The following OR11H4 variants were observed in gnomAD, a reference collection of about 807,000 sequenced individuals.
OR11H4 encodes the protein olfactory receptor family 11 subfamily H member 4.
For synonymous variants in OR11H4, 162 were observed against 142.3 expected (o/e 1.14, Z -0.98); for missense variants, 460 against 371.1 (o/e 1.24, Z -1.97).
Position 20,243,684 on chromosome 14 carries a change from T to C in OR11H4, c.863T>C (p.Leu288Pro), listed in dbSNP as rs1211658298. ...GTAACGACTCCTCTTTTTAATCCTCTGATCTATACTCTTCGTAATAAGGAC... is the reference window on the plus strand; with the variant it reads ...GTAACGACTCCTCTTTTTAATCCTCCGATCTATACTCTTCGTAATAAGGAC... ...YSVTTPLFNP[L>P]IYTLRNKDMK... Residue 288 changes from leucine (L) to proline (P), a missense_variant, in exon 2 of 2, where the codon CTG becomes CCG. Leu to Pro is a moderately conservative substitution (Grantham distance 98, BLOSUM62 -3). Transcript: ENST00000641082. The C allele has an allele frequency of 6.2e-7, 1 of 1,612,674 alleles. No individual in the cohort carries two copies. The highest frequency in any genetic ancestry group is 8.5e-7 in the Non-Finnish European group (1 of 1,179,572).
At position 20,242,967 on chromosome 14, in the gene OR11H4, T is replaced by C. The variant is rs144180480; in HGVS notation, c.146T>C (p.Val49Ala). The change falls in exon 2 of 2, where the codon GTG becomes GCG. Residue 49 changes from valine to alanine, a missense_variant. Val to Ala is a moderately conservative substitution (Grantham distance 64). Coordinates refer to ENST00000641082, the MANE Select transcript of OR11H4 (RefSeq NM_001004479.2). ...GGAAATGGAGCCATCATCTATGCAG[T>C]GAGATGCAACCCACTACTACACACC... is the stretch of plus-strand genomic sequence containing the variant. ...LLGNGAIIYA[V>A]RCNPLLHTPM... 3.4e-4 allele frequency: 546 copies of C among 1,614,084 alleles called. 2 individuals carry two copies. In the African/African-American group the frequency reaches 6.3e-3, roughly 19 times the overall value.
In OR11H4 at chr14:20,243,216, A is replaced by G. The variant is rs747515770; in HGVS notation, c.395A>G (p.Tyr132Cys). Residue 132 changes from tyrosine to cysteine, a missense_variant, in exon 2 of 2, where the codon TAC (tyrosine) becomes TGC (cysteine). Transcript: ENST00000641082. ...RYLAICHPLQ[Y>C]PAIMTVRFCG... The stretch of plus-strand genomic sequence containing the variant: ...CTGGCCATCTGCCACCCACTGCAGT[A>G]CCCTGCCATCATGACTGTAAGGTTC... The G allele has an allele frequency of 6.2e-6, 10 of 1,613,988 alleles. No homozygotes were observed. The highest frequency in any genetic ancestry group is 8.5e-6 in the Non-Finnish European group (10 of 1,179,986).
At chr14:20,239,879 T>C (rs539524036) in intron 1 of OR11H4, among the ~76,000 whole-genome samples, 1 of 152,222 alleles carries the variant, frequency 6.6e-6, no homozygotes, top group African/African-American at 2.4e-5. Context: ...ATATAAAACT[T>C]TGTGGAAACA....
intron 1 of OR11H4, among the ~76,000 whole-genome samples, chr14:20,241,410 C>T (rs17108222): frequency 0.03 from 4,519 of 152,130 alleles, 239 homozygotes; most frequent in African/African-American, 0.1. Flanking sequence ...TTTCTAACAA[C>T]TTGTGCTAAA....
In OR11H4 at chr14:20,242,992, C is replaced by T. The variant is rs544086924; in HGVS notation, c.171C>T (p.Thr57=). The T allele has an allele frequency of 3.7e-6, 6 of 1,614,056 alleles. No homozygotes were observed. The highest frequency in any genetic ancestry group is 1.6e-4 in the Middle Eastern group (1 of 6,062). The stretch of plus-strand genomic sequence containing the variant: ...TGAGATGCAACCCACTACTACACAC[C>T]CCCATGTACTTTCTGCTGGGAAATT... ...YAVRCNPLLH[T]PMYFLLGNFA... is the part of the protein sequence containing the mutation. Residue 57 remains threonine, a synonymous_variant, in exon 2 of 2, where the codon ACC becomes ACT. Coordinates refer to ENST00000641082, the MANE Select transcript of OR11H4 (RefSeq NM_001004479.2).
chr14:20,239,676 A>G (rs1880874603), intron 1 of OR11H4, among the ~76,000 whole-genome samples: 1 of 152,034 alleles, frequency 6.6e-6, no homozygotes, highest in Admixed American at 6.6e-5. Context: ...CCTCGGCGAC[A>G]GAGCGAGACT....
In OR11H4 at chr14:20,243,224, A is replaced by G. The variant is rs755546133; in HGVS notation, c.403A>G (p.Ile135Val). 5 of 1,614,100 alleles carry G rather than the reference A, an allele frequency of 3.1e-6. No individual in the cohort carries two copies. Among genetic ancestry groups the G allele is most frequent in the East Asian group, 4.5e-5 (2 of 44,900 alleles). Residue 135 changes from isoleucine to valine, a missense_variant, in exon 2 of 2, where the codon ATC becomes GTC. By Grantham distance (29) the Ile-to-Val change is conservative. Transcript: ENST00000641082. Reference protein sequence around the residue: ...AICHPLQYPAIMTVRFCGKLV... With the variant: ...AICHPLQYPAVMTVRFCGKLV... The stretch of plus-strand genomic sequence containing the variant: ...CTGCCACCCACTGCAGTACCCTGCC[A>G]TCATGACTGTAAGGTTCTGTGGTAA...
chr14:20,243,019 T>G lies in OR11H4; in HGVS notation c.198T>G (p.Phe66Leu). 6.2e-7 allele frequency: 1 copy of G among 1,614,220 alleles called. No homozygotes were observed. The change falls in exon 2 of 2, where the codon TTT becomes TTG. Residue 66 changes from phenylalanine to leucine, a missense_variant. By Grantham distance (22) the Phe-to-Leu change is conservative (BLOSUM62 0). Transcript: ENST00000641082. ...CCATGTACTTTCTGCTGGGAAATTT[T>G]GCCTTCCTTGAGATCTGGTATGTGT... ...HTPMYFLLGN[F>L]AFLEIWYVSS...
chr14:20,239,952 A>T (rs1880879824), intron 1 of OR11H4, among the ~76,000 whole-genome samples: 1 of 152,080 alleles, frequency 6.6e-6, no homozygotes, highest in South Asian at 2.1e-4. Flanking sequence ...TAAGCTCCCC[A>T]GCTTTTGATC....
chr14:20,241,964 C>G (rs1440061362), intron 1 of OR11H4, among the ~76,000 whole-genome samples: 1 of 151,986 alleles, frequency 6.6e-6, no homozygotes, highest in Non-Finnish European at 1.5e-5. Context: ...CAACATGTCT[C>G]GCTTCCCACC....
In OR11H4 at chr14:20,242,806, T is replaced by C; in HGVS notation, c.-11-5T>C. On this transcript the variant is annotated splice_polypyrimidine_tract_variant and splice_region_variant and intron_variant, in intron 1 of 1. Coordinates refer to ENST00000641082, the MANE Select transcript of OR11H4 (RefSeq NM_001004479.2). Reference sequence around the variant, plus strand: ...GGATTACACTCATGTCTTTCTTCTTTGTAGACTTAAGACCCATGAACAGGT... The same window carrying C: ...GGATTACACTCATGTCTTTCTTCTTCGTAGACTTAAGACCCATGAACAGGT... 3 of 1,612,434 alleles carry C rather than the reference T, an allele frequency of 1.9e-6. No homozygotes were observed. The highest frequency in any genetic ancestry group is 2.5e-6 in the Non-Finnish European group (3 of 1,179,016).
Position 20,243,565 on chromosome 14 carries a change from A to G in OR11H4, c.744A>G (p.Val248=). 6.2e-7 allele frequency: 1 copy of G among 1,613,284 alleles called. No individual in the cohort carries two copies. The highest frequency in any genetic ancestry group is 8.5e-7 in the Non-Finnish European group (1 of 1,179,738). The change falls in exon 2 of 2, where the codon GTA becomes GTG. Residue 248 remains valine, a synonymous_variant. Coordinates refer to ENST00000641082, the MANE Select transcript of OR11H4 (RefSeq NM_001004479.2). The part of the protein sequence containing the change: ...FSTCGSHLVV[V]SLFYGTVMVM... ...CCTGTGGTTCTCATTTGGTTGTGGTATCTCTTTTCTATGGGACAGTCATGG... is the reference window on the plus strand; with the variant it reads ...CCTGTGGTTCTCATTTGGTTGTGGTGTCTCTTTTCTATGGGACAGTCATGG...
chr14:20,240,400 G>A (rs1477186467), intron 1 of OR11H4, among the ~76,000 whole-genome samples: 1 of 152,072 alleles, frequency 6.6e-6, no homozygotes, highest in East Asian at 1.9e-4. Flanking sequence ...CAAAGAACTA[G>A]TGATGTTGAG....
At chr14:20,240,495 T>C (rs969741638) in intron 1 of OR11H4, among the ~76,000 whole-genome samples, 1 of 152,098 alleles carries the variant, frequency 6.6e-6, no homozygotes, top group Non-Finnish European at 1.5e-5. Flanking sequence ...CTTTTACATT[T>C]CTGACAAAGT....
At position 20,243,707 on chromosome 14, in the gene OR11H4, G is replaced by A; in HGVS notation, c.886G>A (p.Asp296Asn). The A allele has an allele frequency of 1.2e-6, 2 of 1,604,902 alleles. No individual in the cohort carries two copies. The highest frequency in any genetic ancestry group is 1.1e-5 in the South Asian group (1 of 89,568). ...TCTGATCTATACTCTTCGTAATAAG[G>A]ACATGAAACTCGCTCTGAGAAATGT... ...NPLIYTLRNK[D>N]MKLALRNVLF... Residue 296 changes from aspartate to asparagine, a missense_variant, in exon 2 of 2, where the codon GAC becomes AAC. By Grantham distance (23) the Asp-to-Asn change is conservative (BLOSUM62 1). Transcript: ENST00000641082.
intron 1 of OR11H4, among the ~76,000 whole-genome samples, chr14:20,240,900 A>T (rs982288875): frequency 3.9e-5 from 6 of 152,126 alleles, no homozygotes; most frequent in Non-Finnish European, 7.4e-5. Context: ...TTTAAGACTT[A>T]ATCAGCACAT....
intron 1 of OR11H4, among the ~76,000 whole-genome samples, chr14:20,239,760 C>A (rs1384926534): frequency 6.6e-6 from 1 of 151,842 alleles, no homozygotes; most frequent in African/African-American, 2.4e-5. Context: ...AATGATATAT[C>A]TCAAAAATCA....
rs967030785 is a variant in OR11H4, at chr14:20,244,164, G to A, written c.*398G>A. ...AATAGTGGCACAATACCCAGCAAAC[G>A]GTAAGGCCTCAGACATGTTTTTTAA... is the stretch of plus-strand genomic sequence containing the variant. On this transcript the variant is annotated 3_prime_UTR_variant, in exon 2 of 2. Coordinates refer to ENST00000641082, the MANE Select transcript of OR11H4 (RefSeq NM_001004479.2). 2 of 157,666 alleles carry A rather than the reference G, an allele frequency of 1.3e-5. No individual in the cohort carries two copies. Among genetic ancestry groups the A allele is most frequent in the Non-Finnish European group, 2.8e-5 (2 of 72,044 alleles). 9.8% of individuals were successfully genotyped at this position (157,666 alleles called of 1,614,324 possible).
chr14:20,242,135 T>C (rs189017156), intron 1 of OR11H4, among the ~76,000 whole-genome samples: 3,277 of 151,592 alleles, frequency 0.022, 54 homozygotes, highest in African/African-American at 0.044. Flanking sequence ...ACAGACCCTT[T>C]ACGGGTGTCC....
Sources: allele counts gnomAD v4.1 joint callset (sites outside exome capture counted in the v4.1 genomes callset), GRCh38; gene constraint gnomAD v4.1.1; transcripts MANE v1.5; gene names NCBI Gene and HGNC (gene_info 2026-07-23, HGNC 2026-07-21).